The following ADAMTS3 variants were observed in gnomAD, a reference collection of about 807,000 sequenced individuals.
ADAMTS3 encodes the protein A disintegrin and metalloproteinase with thrombospondin motifs 3.
In ADAMTS3, 73 loss-of-function variants were observed where a neutral mutation model predicts 129.0. The ratio of observed to expected loss-of-function variants is 0.57; its 90% CI spans 0.47 to 0.69. The LOEUF is 0.69. ADAMTS3 is among the 30% of genes least tolerant of loss of function. The pLI, the probability that ADAMTS3 is intolerant of heterozygous loss-of-function variation, is 0.00. For synonymous variants in ADAMTS3, 477 were observed against 510.8 expected (o/e 0.93, Z 0.89); for missense variants, 1,457 against 1,514.5 (o/e 0.96, Z 0.63).
At chr4:72,479,093 A>G (rs1042878431) in intron 3 of ADAMTS3, among the ~76,000 whole-genome samples, 2 of 152,208 alleles carry the variant, frequency 1.3e-5, no homozygotes, top group African/African-American at 4.8e-5. Context: ...AGGAAGAATC[A>G]ATATCCTGAG....
In ADAMTS3 at chr4:72,282,303, T is replaced by TATTTA; in HGVS notation, c.*828_*832dup. ...TCAGTTTTGTCTTGCACGAGTTCAT[T>TATTTA]ATTTACTATTCGTTGATCCCTGTGA... On this transcript the variant is annotated 3_prime_UTR_variant, in exon 22 of 22. Transcript: ENST00000286657. The TATTTA allele has an allele frequency of 6.9e-6, 1 of 145,982 alleles. No individual in the cohort carries two copies. The highest frequency in any genetic ancestry group is 2.1e-4 in the South Asian group (1 of 4,816). 9.0% of individuals were successfully genotyped at this position (145,982 alleles called of 1,614,324 possible).
At chr4:72,420,866 T>C (rs2109933398) in intron 3 of ADAMTS3, among the ~76,000 whole-genome samples, 1 of 152,316 alleles carries the variant, frequency 6.6e-6, no homozygotes, top group East Asian at 1.9e-4. Context: ...GCGTTTTGTT[T>C]TAACCATTTT....
At chr4:72,546,708 G>T (rs62310702) in intron 3 of ADAMTS3, among the ~76,000 whole-genome samples, 2,400 of 152,210 alleles carry the variant, frequency 0.016, 35 homozygotes, top group Non-Finnish European at 0.024. Flanking sequence ...CTTTATTTTG[G>T]CAAATTGTAG....
chr4:72,456,357 TATAGTATACAATATATAG>T (rs1560522817), intron 3 of ADAMTS3, among the ~76,000 whole-genome samples: 3 of 143,994 alleles, frequency 2.1e-5, no homozygotes, highest in African/African-American at 2.5e-5. Flanking sequence ...ATATATAGTA[TATAGTATACAATATATAG>T]TATATATAGT....
At chr4:72,524,624 G>A (rs182151898) in intron 3 of ADAMTS3, among the ~76,000 whole-genome samples, 11 of 151,842 alleles carry the variant, frequency 7.2e-5, no homozygotes, top group East Asian at 3.9e-4. Flanking sequence ...TTTTATAGCC[G>A]GTATGTGGTA....
intron 12 of ADAMTS3, among the ~76,000 whole-genome samples, chr4:72,312,811 G>A (rs917638904): frequency 2.6e-5 from 4 of 152,096 alleles, no homozygotes; most frequent in South Asian, 2.1e-4. Context: ...AGAAACTTTG[G>A]TCATCGCTCC....
chr4:72,562,325 G>A (rs961054173), intron 2 of ADAMTS3, among the ~76,000 whole-genome samples: 6 of 152,174 alleles, frequency 3.9e-5, no homozygotes, highest in African/African-American at 1.4e-4. Context: ...TTGTCAAAAT[G>A]TATCATGTGA....
At chr4:72,563,162 TA>T (rs1022651104) in intron 2 of ADAMTS3, among the ~76,000 whole-genome samples, 87 of 152,300 alleles carry the variant, frequency 5.7e-4, no homozygotes, top group African/African-American at 2.0e-3. Flanking sequence ...AAAGCATGGC[TA>T]AACACCAACA....
At chr4:72,339,171 G>T (rs545206650) in intron 5 of ADAMTS3, among the ~76,000 whole-genome samples, 3 of 152,250 alleles carry the variant, frequency 2.0e-5, no homozygotes, top group African/African-American at 7.2e-5. Flanking sequence ...ACAAAGTCCT[G>T]CGAGTTTTGA....
chr4:72,382,827 A>G (rs1721328761), intron 4 of ADAMTS3, among the ~76,000 whole-genome samples: 1 of 152,170 alleles, frequency 6.6e-6, no homozygotes, highest in Non-Finnish European at 1.5e-5. Context: ...GAGCTAATCA[A>G]TGGGTATACA....
Position 72,328,685 on chromosome 4 carries a change from C to A in ADAMTS3, c.862-5588G>T, listed in dbSNP as rs551007343. Among the ~76,000 whole-genome samples the A allele has an allele frequency of 5.9e-4, 62 of 105,656 alleles. 1 individual carries two copies. In the South Asian group the frequency reaches 0.016, roughly 28 times the overall value. 69.3% of individuals were successfully genotyped at this position (105,656 alleles called of 152,430 possible). On this transcript the variant is annotated intron_variant, in intron 5 of 21. Coordinates refer to ENST00000286657, the MANE Select transcript of ADAMTS3 (RefSeq NM_014243.3). ...TAGGTACAGTACTTGATGCTTGGCCCTTGCAAATATAAAAAAAAATTAGCA... is the reference window on the plus strand; with the variant it reads ...TAGGTACAGTACTTGATGCTTGGCCATTGCAAATATAAAAAAAAATTAGCA...
intron 3 of ADAMTS3, among the ~76,000 whole-genome samples, chr4:72,520,251 G>C (rs1402241845): frequency 6.6e-6 from 1 of 152,186 alleles, no homozygotes; most frequent in African/African-American, 2.4e-5. Flanking sequence ...TGCCCCTACT[G>C]GGGGGTGCCT....
chr4:72,414,818 T>A lies in ADAMTS3; in HGVS notation c.658A>T (p.Arg220Ter). The A allele has an allele frequency of 6.9e-7, 1 of 1,446,982 alleles. No individual in the cohort carries two copies. The highest frequency in any genetic ancestry group is 9.1e-7 in the Non-Finnish European group (1 of 1,100,102). 89.6% of individuals were successfully genotyped at this position (1,446,982 alleles called of 1,614,324 possible). The change falls in exon 4 of 22, where the codon AGA becomes TGA. Residue 220 changes from arginine to a stop codon, truncating the protein, a stop_gained. Coordinates refer to ENST00000286657, the MANE Select transcript of ADAMTS3 (RefSeq NM_014243.3). LOFTEE classifies it high-confidence loss of function. The stretch of plus-strand genomic sequence containing the variant: ...TAAGCTTTGTCAAGACGCCTACCTC[T>A]GTAGTGGAAGTCTTTGGACATGTCT... Reference protein sequence around the residue: ...PIDMSKDFHYRESDLEGLDDL... With the variant: ...PIDMSKDFHY
chr4:72,415,643 A>G (rs974207962), intron 3 of ADAMTS3, among the ~76,000 whole-genome samples: 1 of 151,944 alleles, frequency 6.6e-6, no homozygotes, highest in African/African-American at 2.4e-5. Context: ...TTTCACACTG[A>G]AAAGCCTACT....
At chr4:72,399,661 TAG>T (rs1482340173) in intron 4 of ADAMTS3, among the ~76,000 whole-genome samples, 1 of 150,960 alleles carries the variant, frequency 6.6e-6, no homozygotes. Context: ...AGGAGGAACT[TAG>T]AAAACTGTCA....
At chr4:72,526,733 CATATATATATATATATATATATAT>C (rs36097990) in intron 3 of ADAMTS3, among the ~76,000 whole-genome samples, 7,808 of 99,134 alleles carry the variant, frequency 0.079, 402 homozygotes, top group African/African-American at 0.14. Context: ...TATATACATA[CATATATATATATATATATATATAT>C]ATATATATAT....
At chr4:72,358,737 T>C (rs190619852) in intron 4 of ADAMTS3, among the ~76,000 whole-genome samples, 214 of 152,148 alleles carry the variant, frequency 1.4e-3, no homozygotes, top group African/African-American at 5.0e-3. Flanking sequence ...TGACTTTTCA[T>C]ATTTATTAAG....
chr4:72,318,649 C>T lies in ADAMTS3; in HGVS notation c.1408G>A (p.Glu470Lys). 6.2e-7 allele frequency: 1 copy of T among 1,613,740 alleles called. No individual in the cohort carries two copies. The highest frequency in any genetic ancestry group is 8.5e-7 in the Non-Finnish European group (1 of 1,179,882). The change falls in exon 10 of 22, where the codon GAA becomes AAA. Residue 470 changes from glutamate (E) to lysine (K), a missense_variant. Coordinates refer to ENST00000286657, the MANE Select transcript of ADAMTS3 (RefSeq NM_014243.3). ...ATAGAATAATTGATTCCAGGAAGTT[C>T]TGGGAGTTTAGGCCAATCATGATCA... ...PFDHDWPKLP[E>K]LPGINYSMDE...
At chr4:72,510,713 C>A (rs1720289305) in intron 3 of ADAMTS3, among the ~76,000 whole-genome samples, 1 of 150,406 alleles carries the variant, frequency 6.6e-6, no homozygotes, top group African/African-American at 2.4e-5. Context: ...TTCAATGTAA[C>A]CCCTAGCAAA....
Sources: allele counts gnomAD v4.1 joint callset (sites outside exome capture counted in the v4.1 genomes callset), GRCh38; gene constraint gnomAD v4.1.1; transcripts MANE v1.5; gene names NCBI Gene and HGNC (gene_info 2026-07-23, HGNC 2026-07-21).